Variants in PCDH18 observed in about 807,000 individuals in gnomAD.
PCDH18 encodes the protein protocadherin 18.
PCDH18 carries 38 observed loss-of-function variants against 71.5 expected under a neutral mutation model. The ratio of observed to expected loss-of-function variants is 0.53; its 90% CI spans 0.41 to 0.70. The LOEUF is 0.70. Ranked by LOEUF, PCDH18 falls within the 30% of genes least tolerant of loss-of-function variation. The probability of loss-of-function intolerance (pLI) is 0.00; values close to 1 mark genes in which losing one functional copy is unlikely to be tolerated. For synonymous variants in PCDH18, 565 were observed against 505.4 expected (o/e 1.12, Z -1.58); for missense variants, 1,334 against 1,384.6 (o/e 0.96, Z 0.58).
intron 3 of PCDH18, among the ~76,000 whole-genome samples, chr4:137,526,790 C>T (rs766705200): frequency 4.2e-4 from 64 of 151,954 alleles, no homozygotes; most frequent in Non-Finnish European, 7.7e-4. Flanking sequence ...ACAATGAGGA[C>T]ACTCTACTTA....
Position 137,529,617 on chromosome 4 carries a change from G to A in PCDH18, c.2472C>T (p.Ala824=). The change falls in exon 1 of 4, where the codon GCC becomes GCT. Residue 824 remains alanine (A), a synonymous_variant. Transcript: ENST00000344876. ...ATGATCTTACCTCAACAGCAGGAGT[G>A]GCGTGGGTGAGTTCTAATGAGAAAT... The part of the protein sequence containing the change: ...PENFSLELTH[A]TPAVEQVSQL... The A allele has an allele frequency of 6.2e-7, 1 of 1,601,948 alleles. No individual in the cohort carries two copies. Among genetic ancestry groups the A allele is most frequent in the Non-Finnish European group, 8.5e-7 (1 of 1,172,388 alleles).
At position 137,532,115 on chromosome 4, in the gene PCDH18, A is replaced by T; in HGVS notation, c.-27T>A. The T allele has an allele frequency of 6.4e-7, 1 of 1,571,670 alleles. No individual in the cohort carries two copies. ...GGTCAGTTTATGAGATTTCCCTCAC[A>T]GAGCAAGTTAAAACAGCAAAGCAAT... On this transcript the variant is annotated 5_prime_UTR_variant, in exon 1 of 4. Coordinates refer to ENST00000344876, the MANE Select transcript of PCDH18 (RefSeq NM_019035.5).
intron 3 of PCDH18, among the ~76,000 whole-genome samples, chr4:137,524,183 G>T (rs1731381613): frequency 6.6e-6 from 1 of 152,122 alleles, no homozygotes; most frequent in Non-Finnish European, 1.5e-5. Context: ...TGTCCTCTGG[G>T]GAGGGGGACC....
chr4:137,521,102 T>C lies in PCDH18; in HGVS notation c.3335A>G (p.Lys1112Arg). ...DNVLNHLNDGKHELMDASELV... is the reference protein window; with the variant it reads ...DNVLNHLNDGRHELMDASELV... ...TTCACTGGCATCCATGAGTTCGTGTTTCCCATCATTGAGGTGGTTGAGCAC... is the reference window on the plus strand; with the variant it reads ...TTCACTGGCATCCATGAGTTCGTGTCTCCCATCATTGAGGTGGTTGAGCAC... Residue 1112 changes from lysine (K) to arginine (R), a missense_variant, in exon 4 of 4, where the codon AAA becomes AGA. By Grantham distance (26) the Lys-to-Arg change is conservative. Transcript: ENST00000344876. 1 of 1,614,040 alleles carries C rather than the reference T, an allele frequency of 6.2e-7. No individual in the cohort carries two copies. The highest frequency in any genetic ancestry group is 1.1e-5 in the South Asian group (1 of 91,070).
rs941565146 is a variant in PCDH18, at chr4:137,531,549, A to G, written c.540T>C (p.Asp180=). 1.2e-6 allele frequency: 2 copies of G among 1,613,396 alleles called. No homozygotes were observed. Among genetic ancestry groups the G allele is most frequent in the Non-Finnish European group, 1.7e-6 (2 of 1,179,624 alleles). The part of the protein sequence containing the change: ...SLHTYSLSAN[D]FFNIEVRTRT... ...TGGTCCGAACCTCGATATTAAAAAA[A>G]TCATTGGCAGAGAGCGAGTATGTGT... The change falls in exon 1 of 4, where the codon GAT becomes GAC. Residue 180 remains aspartate, a synonymous_variant. Transcript: ENST00000344876.
Position 137,529,823 on chromosome 4 carries a change from T to C in PCDH18, c.2266A>G (p.Lys756Glu). ...GTAGGCACCAATGTGATGTCCCCTTTGTGAATCTGCCGGGATGGCCTTTTT... is the reference window on the plus strand; with the variant it reads ...GTAGGCACCAATGTGATGTCCCCTTCGTGAATCTGCCGGGATGGCCTTTTT... Reference protein sequence around the residue: ...HPKRPSRQIHKGDITLVPTIN... With the variant: ...HPKRPSRQIHEGDITLVPTIN... The change falls in exon 1 of 4, where the codon AAA (lysine) becomes GAA (glutamate). Residue 756 changes from lysine (K) to glutamate (E), a missense_variant. Physicochemically the swap from Lys to Glu is moderately conservative, Grantham distance 56. Coordinates refer to ENST00000344876, the MANE Select transcript of PCDH18 (RefSeq NM_019035.5). 1 of 1,611,348 alleles carries C rather than the reference T, an allele frequency of 6.2e-7. No homozygotes were observed. The highest frequency in any genetic ancestry group is 8.5e-7 in the Non-Finnish European group (1 of 1,178,072).
In PCDH18 at chr4:137,531,804, T is replaced by C. The variant is rs767232935; in HGVS notation, c.285A>G (p.Glu95=). ...AGTTCAAGTTTTTCTGGCACAGTTG[T>C]TCACGGTCAATTGTAGCCCCTATGC... ...EISIGATIDR[E]QLCQKNLNCS... Residue 95 remains glutamate, a synonymous_variant, in exon 1 of 4, where the codon GAA becomes GAG. Transcript: ENST00000344876. The C allele has an allele frequency of 1.9e-6, 3 of 1,614,196 alleles. No individual in the cohort carries two copies. Among genetic ancestry groups the C allele is most frequent in the East Asian group, 2.2e-5 (1 of 44,882 alleles).
chr4:137,529,569 A>G (rs1403061354), intron 1 of PCDH18, 33 bp downstream of exon 1: 26 of 1,438,108 alleles, frequency 1.8e-5, no homozygotes, highest in Non-Finnish European at 2.5e-5. Context: ...AACACCTAAC[A>G]TTGCAATGAA....
rs1731262226 is a variant in PCDH18 at position 137,520,669 on chromosome 4, C to T, written c.*360G>A. 1 of 170,566 alleles carries T rather than the reference C, an allele frequency of 5.9e-6. No individual in the cohort carries two copies. The highest frequency in any genetic ancestry group is 1.9e-4 in the South Asian group (1 of 5,224). The allele number at this position is 170,566 out of a possible 1,614,324, so 10.6% of individuals were successfully genotyped here. A position where few individuals can be genotyped will look rare whatever the true frequency, so the allele number is the denominator to read the frequency against. ...TTCATACAACATAATAATTCTTCCC[C>T]AACAAAACTAATCTAAGCAGTGCCT... On this transcript the variant is annotated 3_prime_UTR_variant, in exon 4 of 4. Transcript: ENST00000344876.
At position 137,530,395 on chromosome 4, in the gene PCDH18, G is replaced by A; in HGVS notation, c.1694C>T (p.Thr565Ile). 1.2e-6 allele frequency: 2 copies of A among 1,614,084 alleles called. No individual in the cohort carries two copies. The highest frequency in any genetic ancestry group is 1.1e-5 in the South Asian group (1 of 91,076). The change falls in exon 1 of 4, where the codon ACC becomes ATC. Residue 565 changes from threonine (T) to isoleucine (I), a missense_variant. By Grantham distance (89) the Thr-to-Ile change is moderately conservative. Transcript: ENST00000344876. ...QLVSNTTVVL[T>I]IIDENDNVPV... is the part of the protein sequence containing the mutation. ...AACGTTGTCATTTTCGTCAATGATG[G>A]TGAGCACAACTGTGGTATTGCTTAC...
Position 137,531,839 on chromosome 4 carries a change from C to T in PCDH18, c.250G>A (p.Gly84Arg). 1 of 1,614,094 alleles carries T rather than the reference C, an allele frequency of 6.2e-7. No individual in the cohort carries two copies. Among genetic ancestry groups the T allele is most frequent in the Non-Finnish European group, 8.5e-7 (1 of 1,179,990 alleles). Residue 84 changes from glycine to arginine, a missense_variant, in exon 1 of 4, where the codon GGG becomes AGG. By Grantham distance (125) the Gly-to-Arg change is moderately radical (BLOSUM62 -2). Around this residue, in one of 3 missense-constraint regions of PCDH18, gnomAD observed 1,011 missense variants for 1,048.0 expected, o/e 0.96. Transcript: ENST00000344876. ...SPLLVVNEDN[G>R]EISIGATIDR... ...ATTGTAGCCCCTATGCTGATTTCCC[C>T]ATTATCCTCGTTTACTACAAGTAGA...
chr4:137,521,644 G>A lies in PCDH18; in HGVS notation c.2793C>T (p.Cys931=). The stretch of plus-strand genomic sequence containing the variant: ...ACGGTGAGGGCAGTGGTGGCATCCA[G>A]CACTGGTCAGAGTGTCCCAGGACCC... ...ECRVLGHSDQ[C]WMPPLPSPSS... The change falls in exon 4 of 4, where the codon TGC becomes TGT. Residue 931 remains cysteine, a synonymous_variant. Coordinates refer to ENST00000344876, the MANE Select transcript of PCDH18 (RefSeq NM_019035.5). 1 of 1,611,816 alleles carries A rather than the reference G, an allele frequency of 6.2e-7. No homozygotes were observed. The highest frequency in any genetic ancestry group is 8.5e-7 in the Non-Finnish European group (1 of 1,179,564).
chr4:137,530,610 A>T lies in PCDH18; in HGVS notation c.1479T>A (p.Asp493Glu), dbSNP rs1731646271. ...ATGTCACTTGCCCATTTTCTCCAAG[A>T]TCAGGATCTGTGGCTGTAACAGTGG... ...YITTVTATDP[D>E]LGENGQVTYT... Residue 493 changes from aspartate (D) to glutamate (E), a missense_variant, in exon 1 of 4, where the codon GAT becomes GAA. Asp to Glu is a conservative substitution (Grantham distance 45, BLOSUM62 2). Transcript: ENST00000344876. 1.2e-6 allele frequency: 2 copies of T among 1,614,020 alleles called. No homozygotes were observed. The highest frequency in any genetic ancestry group is 1.7e-6 in the Non-Finnish European group (2 of 1,180,030).
chr4:137,530,330 C>T lies in PCDH18; in HGVS notation c.1759G>A (p.Glu587Lys). The T allele has an allele frequency of 9.3e-6, 15 of 1,613,352 alleles. No homozygotes were observed. The highest frequency in any genetic ancestry group is 1.3e-5 in the Non-Finnish European group (15 of 1,179,468). The change falls in exon 1 of 4, where the codon GAA (glutamate) becomes AAA (lysine). Residue 587 changes from glutamate (E) to lysine (K), a missense_variant. Coordinates refer to ENST00000344876, the MANE Select transcript of PCDH18 (RefSeq NM_019035.5). ...IGPALRNNTA[E>K]ITIPKGAESG... Reference sequence around the variant, plus strand: ...TCAGCCCCTTTGGGAATGGTGATTTCTGCCGTATTATTACGCAATGCAGGC... The same window carrying T: ...TCAGCCCCTTTGGGAATGGTGATTTTTGCCGTATTATTACGCAATGCAGGC...
chr4:137,528,672 A>G, intron 2 of PCDH18, 31 bp from the exon 3 acceptor site: 1 of 1,610,846 alleles, frequency 6.2e-7, no homozygotes, highest in Non-Finnish European at 8.5e-7. Context: ...AAAAAATTAC[A>G]GTTTTTACTC....
In PCDH18 at chr4:137,528,765, C is replaced by T. The variant is rs1731554693; in HGVS notation, c.2543G>A (p.Ser848Asn). Residue 848 changes from serine to asparagine, a missense_variant, in exon 2 of 4, where the codon AGT becomes AAT. Around this residue, in one of 3 missense-constraint regions of PCDH18, gnomAD observed 1,011 missense variants for 1,048.0 expected, o/e 0.96. Transcript: ENST00000344876. The stretch of plus-strand genomic sequence containing the variant: ...CCTGGAATATTTGTTTCCTCGAAAA[C>T]TTGGTCTTGGCTGATATTGCCCCTG... ...LHQGQYQPRP[S>N]FRGNKYSRSY... 2 of 1,613,594 alleles carry T rather than the reference C, an allele frequency of 1.2e-6. No individual in the cohort carries two copies. Among genetic ancestry groups the T allele is most frequent in the African/African-American group, 2.7e-5 (2 of 74,906 alleles).
intron 1 of PCDH18, chr4:137,529,337 C>T (rs1731574352): frequency 5.8e-6 from 2 of 347,038 alleles, no homozygotes; most frequent in African/African-American, 2.1e-5. Flanking sequence ...AGCAAGGGGA[C>T]TCTAATTACA....
chr4:137,524,008 T>A (rs2149212759), intron 3 of PCDH18, among the ~76,000 whole-genome samples: 1 of 152,312 alleles, frequency 6.6e-6, no homozygotes, highest in African/African-American at 2.4e-5. Flanking sequence ...CTCATTGATA[T>A]TGTCAACCTT....
intron 3 of PCDH18, among the ~76,000 whole-genome samples, chr4:137,522,000 G>A (rs2149211913): frequency 6.6e-6 from 1 of 152,314 alleles, no homozygotes; most frequent in East Asian, 1.9e-4. Context: ...AGAACTAGGT[G>A]TGAGTGATGA....
Sources: allele counts gnomAD v4.1 joint callset (sites outside exome capture counted in the v4.1 genomes callset), GRCh38; gene constraint gnomAD v4.1.1; regional missense constraint gnomAD v4.1.1; transcripts MANE v1.5; gene names NCBI Gene and HGNC (gene_info 2026-07-23, HGNC 2026-07-21).